ARHGEF4: variants seen among roughly 807,000 people sequenced by gnomAD.
ARHGEF4 encodes the protein APC-stimulated guanine nucleotide exchange factor 1.
A neutral mutation model predicts 162.0 loss-of-function variants in ARHGEF4; 119 were observed. The observed-to-expected ratio is 0.73, with a 90% CI of 0.63 to 0.86. ARHGEF4 has a LOEUF of 0.86. ARHGEF4 is among the 40% of genes least tolerant of loss of function. The pLI, the probability that ARHGEF4 is intolerant of heterozygous loss-of-function variation, is 0.00. For missense variants in ARHGEF4, 2,488 were observed against 2,456.0 expected (o/e 1.01, Z -0.28); for synonymous variants, 1,014 against 979.9 (o/e 1.03, Z -0.65).
chr2:131,045,183 C>G (rs2105424298), intron 12 of ARHGEF4, among the ~76,000 whole-genome samples, 186 bp from the exon 13 acceptor site: 2 of 152,342 alleles, frequency 1.3e-5, no homozygotes, highest in East Asian at 3.9e-4. Flanking sequence ...GACACCAGAG[C>G]ATGCCCTCTG....
intron 10 of ARHGEF4, 57 bp downstream of exon 10, chr2:131,042,001 C>A: frequency 1.3e-6 from 2 of 1,568,580 alleles, no homozygotes; most frequent in South Asian, 1.2e-5. Context: ...GCTTTAAAAT[C>A]ATGCTTGCCC....
chr2:131,005,385 C>T (rs1432759331), intron 4 of ARHGEF4, among the ~76,000 whole-genome samples: 3 of 152,166 alleles, frequency 2.0e-5, no homozygotes, highest in Non-Finnish European at 4.4e-5. Context: ...CAGGGCTGCC[C>T]TCCAGCAGCA....
chr2:130,959,277 AGCAGCTAGC>A (rs1335859684), intron 4 of ARHGEF4, among the ~76,000 whole-genome samples: 87 of 152,284 alleles, frequency 5.7e-4, no homozygotes, highest in African/African-American at 1.9e-3. Flanking sequence ...TTTTATTGCC[AGCAGCTAGC>A]ATGATGTTCT....
At chr2:131,000,360 G>A (rs974218864) in intron 4 of ARHGEF4, among the ~76,000 whole-genome samples, 4 of 152,096 alleles carry the variant, frequency 2.6e-5, no homozygotes, top group Non-Finnish European at 5.9e-5. Flanking sequence ...TCGGGATTTT[G>A]TATCTATTTT....
intron 2 of ARHGEF4, among the ~76,000 whole-genome samples, chr2:130,918,317 CCAGGATAGGTTAG>C (rs1357147358): frequency 6.6e-6 from 1 of 152,148 alleles, no homozygotes; most frequent in Admixed American, 6.6e-5. Flanking sequence ...CCGCTTCTGT[CCAGGATAGGTTAG>C]CAGGGTCAGG....
At chr2:130,885,690 C>T (rs12986643) in intron 1 of ARHGEF4, among the ~76,000 whole-genome samples, 23,072 of 150,662 alleles carry the variant, frequency 0.15, 2,066 homozygotes, top group Admixed American at 0.23. Context: ...CTGCCTCAGC[C>T]TCCCGAGCAG....
At chr2:130,942,554 A>G (rs1683373798) in intron 3 of ARHGEF4, among the ~76,000 whole-genome samples, 1 of 152,228 alleles carries the variant, frequency 6.6e-6, no homozygotes, top group Non-Finnish European at 1.5e-5. Flanking sequence ...AAAAGTATGA[A>G]AAGAAGCAAG....
At chr2:131,041,038 C>T (rs1381912200) in intron 8 of ARHGEF4, among the ~76,000 whole-genome samples, 192 bp from the exon 9 acceptor site, 4 of 152,200 alleles carry the variant, frequency 2.6e-5, no homozygotes, top group African/African-American at 4.8e-5. Flanking sequence ...CATATTCTCA[C>T]CATTCCCACC....
intron 2 of ARHGEF4, among the ~76,000 whole-genome samples, chr2:130,919,208 G>A (rs1320007416): frequency 2.0e-5 from 3 of 152,142 alleles, no homozygotes; most frequent in Admixed American, 6.5e-5. Context: ...TTGGCATTGA[G>A]GTAATCTCTA....
At chr2:130,907,932 G>A (rs966743031) in intron 1 of ARHGEF4, among the ~76,000 whole-genome samples, 9 of 151,500 alleles carry the variant, frequency 5.9e-5, no homozygotes, top group Admixed American at 5.9e-4. Context: ...ACTCCAGCCT[G>A]GGAGACAAAG....
chr2:130,909,661 A>T (rs1427780294), intron 1 of ARHGEF4, among the ~76,000 whole-genome samples: 1 of 152,142 alleles, frequency 6.6e-6, no homozygotes, highest in Non-Finnish European at 1.5e-5. Flanking sequence ...AGTTGTAAAA[A>T]AAAAAAGTAA....
At chr2:131,030,063 A>G (rs1239502170) in intron 5 of ARHGEF4, among the ~76,000 whole-genome samples, 2 of 152,206 alleles carry the variant, frequency 1.3e-5, no homozygotes, top group African/African-American at 4.8e-5. Flanking sequence ...GTGAGCTCTC[A>G]GTACATCTCC....
chr2:131,032,899 C>A (rs1363819109), intron 5 of ARHGEF4, among the ~76,000 whole-genome samples: 1 of 140,468 alleles, frequency 7.1e-6, no homozygotes, highest in Non-Finnish European at 1.5e-5. Flanking sequence ...GTCACCCAGG[C>A]TGGAGTACAG....
intron 11 of ARHGEF4, among the ~76,000 whole-genome samples, chr2:131,043,899 C>A (rs1156965606): frequency 2.0e-5 from 3 of 152,178 alleles, no homozygotes; most frequent in Admixed American, 1.3e-4. Context: ...ACCCCGGAGT[C>A]CCCTGCTCTA....
chr2:130,843,564 C>T (rs1158200975), intron 1 of ARHGEF4, among the ~76,000 whole-genome samples: 2 of 152,208 alleles, frequency 1.3e-5, no homozygotes, highest in East Asian at 1.9e-4. Flanking sequence ...CTATAGGCCT[C>T]CTCTCCCCCA....
At chr2:130,879,504 A>G (rs1194784398) in intron 1 of ARHGEF4, among the ~76,000 whole-genome samples, 2 of 152,192 alleles carry the variant, frequency 1.3e-5, no homozygotes, top group Non-Finnish European at 2.9e-5. Flanking sequence ...ATTATTAACT[A>G]TAGTCACCAT....
At chr2:130,970,267 C>G (rs1286565618) in intron 4 of ARHGEF4, among the ~76,000 whole-genome samples, 1 of 152,130 alleles carries the variant, frequency 6.6e-6, no homozygotes, top group Non-Finnish European at 1.5e-5. Flanking sequence ...TATATTCTCA[C>G]CAACACTTAG....
chr2:130,988,897 T>G (rs944733999), intron 4 of ARHGEF4, among the ~76,000 whole-genome samples: 7,783 of 110,896 alleles, frequency 0.07, 286 homozygotes, highest in African/African-American at 0.1. Flanking sequence ...TATATATATA[T>G]ATATAGAGAG....
At chr2:130,933,645 C>G (rs941008696) in intron 3 of ARHGEF4, among the ~76,000 whole-genome samples, 3 of 152,114 alleles carry the variant, frequency 2.0e-5, no homozygotes, top group Non-Finnish European at 2.9e-5. Flanking sequence ...CTTGCACATC[C>G]TTGGTTAAAA....
Sources: gnomAD v4.1 joint callset for allele counts (sites outside exome capture counted in the v4.1 genomes callset) on GRCh38, gnomAD v4.1.1 for gene constraint, MANE v1.5 for transcripts, NCBI Gene and HGNC (gene_info 2026-07-23, HGNC 2026-07-21) for gene names.